Variants in VDR observed in about 807,000 individuals in gnomAD.
VDR encodes the protein vitamin D3 receptor.
In VDR, 19 loss-of-function variants were observed where a neutral mutation model predicts 39.7. The observed-to-expected ratio is 0.48, with a 90% CI of 0.33 to 0.70. The LOEUF (loss-of-function observed/expected upper bound fraction) is 0.70, where lower values mean the gene tolerates loss of function less well. Among genes scored for constraint, VDR ranks in the 30% least tolerant of loss-of-function variants. VDR has a pLI of 0.02. For synonymous variants in VDR, 242 were observed against 215.8 expected (o/e 1.12, Z -1.07); for missense variants, 442 against 570.5 (o/e 0.77, Z 2.29).
At chr12:47,864,062 T>G (rs1945677970) in intron 4 of VDR, among the ~76,000 whole-genome samples, 1 of 152,152 alleles carries the variant, frequency 6.6e-6, no homozygotes, top group Non-Finnish European at 1.5e-5. Flanking sequence ...CGACTCCGAT[T>G]CCTCAGACCC....
Position 47,844,457 on chromosome 12 carries a change from C to T in VDR, c.*289G>A. The T allele has an allele frequency of 3.5e-6, 2 of 565,840 alleles. No homozygotes were observed. The highest frequency in any genetic ancestry group is 4.1e-5 in the South Asian group (2 of 48,240). The allele number at this position is 565,840 out of a possible 1,614,324, so 35.1% of individuals were successfully genotyped here. ...CACTTAGGCAGCGGTGGAGGCATCT[C>T]TGGGCAAGGCCCTGCCTCCAGCCTC... is the stretch of plus-strand genomic sequence containing the variant. On this transcript the variant is annotated 3_prime_UTR_variant, in exon 10 of 10. Coordinates refer to ENST00000549336, the MANE Select transcript of VDR (RefSeq NM_000376.3).
intron 2 of VDR, among the ~76,000 whole-genome samples, chr12:47,881,800 T>C (rs567424705): frequency 1.3e-5 from 2 of 152,228 alleles, no homozygotes; most frequent in African/African-American, 2.4e-5. Flanking sequence ...TTTTAGAACA[T>C]AGCACACATT....
At chr12:47,859,923 TTTTC>T (rs778112133) in intron 4 of VDR, among the ~76,000 whole-genome samples, 1,541 of 50,788 alleles carry the variant, frequency 0.03, 39 homozygotes, top group East Asian at 0.096. Flanking sequence ...CCTTCTTTCT[TTTTC>T]TTTCTTTCTT....
At chr12:47,873,626 G>A (rs1444895418) in intron 3 of VDR, among the ~76,000 whole-genome samples, 1 of 152,032 alleles carries the variant, frequency 6.6e-6, no homozygotes, top group East Asian at 1.9e-4. Flanking sequence ...CTCCCAAAGT[G>A]CTGGGATTAC....
chr12:47,893,774 A>G (rs1946413969), intron 1 of VDR, among the ~76,000 whole-genome samples: 1 of 152,198 alleles, frequency 6.6e-6, no homozygotes. Context: ...GGCAAAATAC[A>G]CGATGCTCAC....
intron 1 of VDR, among the ~76,000 whole-genome samples, chr12:47,885,220 C>T (rs965929063): frequency 6.6e-6 from 1 of 152,244 alleles, no homozygotes; most frequent in African/African-American, 2.4e-5. Flanking sequence ...AGGAGCTCAA[C>T]TCTGTAGAAA....
intron 1 of VDR, among the ~76,000 whole-genome samples, chr12:47,890,396 T>A (rs945871130): frequency 6.8e-6 from 1 of 146,380 alleles, no homozygotes; most frequent in Non-Finnish European, 1.5e-5. Context: ...TATATATATA[T>A]AAATCTAACA....
intron 7 of VDR, 31 bp from the exon 8 acceptor site, chr12:47,846,839 T>C: frequency 6.2e-7 from 1 of 1,613,836 alleles, no homozygotes. Context: ...GAGGTCAGGT[T>C]ACCAGTAAAC....
intron 1 of VDR, among the ~76,000 whole-genome samples, chr12:47,891,670 C>T (rs975681016): frequency 6.6e-5 from 10 of 152,328 alleles, no homozygotes; most frequent in South Asian, 2.1e-4. Flanking sequence ...TTTTCCTCCA[C>T]GTAAAACATA....
intron 4 of VDR, among the ~76,000 whole-genome samples, chr12:47,858,819 T>A (rs1377118889): frequency 6.6e-6 from 1 of 152,096 alleles, no homozygotes; most frequent in East Asian, 1.9e-4. Context: ...AGTTCCAGGC[T>A]TTGAGAAAGG....
rs121909794 is a variant in VDR at position 47,865,175 on chromosome 12, C to T, written c.149G>A (p.Arg50Gln). Residue 50 changes from arginine to glutamine, a missense_variant and splice_region_variant, in exon 4 of 10, where the codon CGA (arginine) becomes CAA (glutamine). Physicochemically the swap from Arg to Gln is conservative, Grantham distance 43. Around this residue, in one of 5 missense-constraint regions of VDR, gnomAD observed 141 missense variants for 141.3 expected, o/e 1.00. Transcript: ENST00000549336. ...TCEGCKGFFR[R>Q]SMKRKALFTC... is the part of the protein sequence containing the mutation. ...GAATAGTGCCTTCCGCTTCATGCTT[C>T]GCCTGCCGAGAGAGCACACACCCTG... 20 of 1,611,274 alleles carry T rather than the reference C, an allele frequency of 1.2e-5. No individual in the cohort carries two copies. Among genetic ancestry groups the T allele is most frequent in the Admixed American group, 1.7e-5 (1 of 59,978 alleles).
chr12:47,865,401 T>C (rs1945709968), intron 3 of VDR, among the ~76,000 whole-genome samples: 1 of 152,168 alleles, frequency 6.6e-6, no homozygotes, highest in Non-Finnish European at 1.5e-5. Flanking sequence ...GTACTTACCT[T>C]TTTTCTTTTA....
chr12:47,886,800 A>T (rs1735812304), intron 1 of VDR, among the ~76,000 whole-genome samples: 1 of 152,182 alleles, frequency 6.6e-6, no homozygotes, highest in South Asian at 2.1e-4. Flanking sequence ...TAATTTTCCT[A>T]GTGGAGAACC....
intron 3 of VDR, among the ~76,000 whole-genome samples, chr12:47,870,497 C>T (rs1229473707): frequency 6.6e-6 from 1 of 152,144 alleles, no homozygotes; most frequent in African/African-American, 2.4e-5. Context: ...GTGGGGCAAC[C>T]AAGCTAAATA....
intron 1 of VDR, among the ~76,000 whole-genome samples, chr12:47,892,283 A>G (rs1946385514): frequency 6.6e-6 from 1 of 152,196 alleles, no homozygotes; most frequent in Non-Finnish European, 1.5e-5. Context: ...GTTATTAGTG[A>G]GGGTGGACAC....
At chr12:47,899,478 C>T (rs1156556878) in intron 1 of VDR, among the ~76,000 whole-genome samples, 1 of 152,256 alleles carries the variant, frequency 6.6e-6, no homozygotes, top group African/African-American at 2.4e-5. Context: ...GATTAAATAA[C>T]TTGCCCAAGG....
Position 47,843,912 on chromosome 12 carries a change from A to T in VDR, c.*834T>A, listed in dbSNP as rs1945219321. 2 of 152,052 alleles carry T rather than the reference A, an allele frequency of 1.3e-5. No homozygotes were observed. The highest frequency in any genetic ancestry group is 4.8e-5 in the African/African-American group (2 of 41,268). The allele number at this position is 152,052 out of a possible 1,614,324, so 9.4% of individuals were successfully genotyped here. On this transcript the variant is annotated 3_prime_UTR_variant, in exon 10 of 10. Transcript: ENST00000549336. ...CTACTCTCGGTGATCCGAGGAGGACAGGGAGGGCTGGCTCTCCTGGGCAGG... is the reference window on the plus strand; with the variant it reads ...CTACTCTCGGTGATCCGAGGAGGACTGGGAGGGCTGGCTCTCCTGGGCAGG...
chr12:47,901,546 T>C (rs567898761), intron 1 of VDR: 27 of 155,828 alleles, frequency 1.7e-4, no homozygotes, highest in Non-Finnish European at 3.2e-4. Flanking sequence ...ACTTTGCTTT[T>C]CATTTCCCCG....
chr12:47,869,379 G>A (rs1808208), intron 3 of VDR, among the ~76,000 whole-genome samples: 122,731 of 151,584 alleles, frequency 0.81, 49,833 homozygotes, highest in East Asian at 0.96. Context: ...TACTAAAAAT[G>A]CAAAACATTA....
Sources: allele counts gnomAD v4.1 joint callset (sites outside exome capture counted in the v4.1 genomes callset), GRCh38; gene constraint gnomAD v4.1.1; regional missense constraint gnomAD v4.1.1; transcripts MANE v1.5; gene names NCBI Gene and HGNC (gene_info 2026-07-23, HGNC 2026-07-21).